LRFN5: variants seen among roughly 807,000 people sequenced by gnomAD.
LRFN5 encodes the protein leucine-rich repeat and fibronectin type-III domain-containing protein 5.
In LRFN5, 24 loss-of-function variants were observed where a neutral mutation model predicts 45.6. The observed-to-expected ratio is 0.53, with a 90% CI of 0.38 to 0.74. The LOEUF is 0.74. Ranked by LOEUF, LRFN5 falls within the 30% of genes least tolerant of loss-of-function variation. The probability of loss-of-function intolerance (pLI) is 0.00; values close to 1 mark genes in which losing one functional copy is unlikely to be tolerated. For missense variants in LRFN5, 776 were observed against 861.5 expected (o/e 0.90, Z 1.24); for synonymous variants, 340 against 313.8 (o/e 1.08, Z -0.88).
chr14:41,720,951 C>G (rs1883688802), intron 1 of LRFN5, among the ~76,000 whole-genome samples: 1 of 151,962 alleles, frequency 6.6e-6, no homozygotes, highest in African/African-American at 2.4e-5. Flanking sequence ...TTTTCAGCAT[C>G]AATGGTCTAT....
intron 1 of LRFN5, among the ~76,000 whole-genome samples, chr14:41,735,653 G>C (rs1439912782): frequency 6.6e-6 from 1 of 151,990 alleles, no homozygotes; most frequent in Non-Finnish European, 1.5e-5. Flanking sequence ...ATATGCAGAA[G>C]ATGCAGGTTT....
chr14:41,821,777 AT>A (rs112591355), intron 2 of LRFN5, among the ~76,000 whole-genome samples: 7,940 of 44,118 alleles, frequency 0.18, 765 homozygotes, highest in African/African-American at 0.41. Flanking sequence ...TGGGGGAGGG[AT>A]TTTTTTTTTT....
At chr14:41,710,675 T>C (rs1883245100) in intron 1 of LRFN5, among the ~76,000 whole-genome samples, 1 of 152,140 alleles carries the variant, frequency 6.6e-6, no homozygotes, top group South Asian at 2.1e-4. Flanking sequence ...AACATGCATG[T>C]TTGTTACATA....
intron 1 of LRFN5, among the ~76,000 whole-genome samples, chr14:41,643,026 G>A (rs1318937904): frequency 6.6e-6 from 1 of 152,156 alleles, no homozygotes; most frequent in Non-Finnish European, 1.5e-5. Context: ...CATAATCAGT[G>A]TGAGAGAGTC....
At chr14:41,843,726 G>A (rs1329231682) in intron 2 of LRFN5, among the ~76,000 whole-genome samples, 2 of 152,052 alleles carry the variant, frequency 1.3e-5, no homozygotes, top group African/African-American at 4.8e-5. Context: ...ATACATATAT[G>A]TCAACACAAA....
Position 41,856,675 on chromosome 14 carries a change from A to ATT in LRFN5, c.-20-29913_-20-29912dup, listed in dbSNP as rs1555326982. 5.5e-4 allele frequency among the ~76,000 whole-genome samples: 10 copies of ATT among 18,332 alleles called. 1 individual carries two copies. The highest frequency in any genetic ancestry group is 5.1e-4 in the Non-Finnish European group (4 of 7,822). 12.0% of individuals were successfully genotyped at this position (18,332 alleles called of 152,430 possible). A position where few individuals can be genotyped will look rare whatever the true frequency, so the allele number is the denominator to read the frequency against. On this transcript the variant is annotated intron_variant, in intron 2 of 5. Coordinates refer to ENST00000298119, the MANE Select transcript of LRFN5 (RefSeq NM_152447.5). ...TTCTTTCCTAATTATTATTATTATT[A>ATT]TTTTTTTTTTTTTTTTTTTGAGACG...
intron 2 of LRFN5, among the ~76,000 whole-genome samples, chr14:41,802,570 T>C (rs1346906298): frequency 6.6e-6 from 1 of 152,174 alleles, no homozygotes; most frequent in African/African-American, 2.4e-5. Flanking sequence ...AAAAATGTTT[T>C]GTCAAGGAAA....
intron 2 of LRFN5, among the ~76,000 whole-genome samples, chr14:41,771,418 AC>A (rs1159622669): frequency 6.6e-6 from 1 of 151,884 alleles, no homozygotes; most frequent in African/African-American, 2.4e-5. Flanking sequence ...AATTTTCCAA[AC>A]TTTTATCCTC....
At chr14:41,702,715 T>C (rs1043843744) in intron 1 of LRFN5, among the ~76,000 whole-genome samples, 1 of 151,768 alleles carries the variant, frequency 6.6e-6, no homozygotes, top group African/African-American at 2.4e-5. Flanking sequence ...TCCTCCTGCT[T>C]GGGCCTCTCA....
intron 1 of LRFN5, among the ~76,000 whole-genome samples, chr14:41,715,399 A>G (rs930629265): frequency 1.3e-4 from 20 of 152,212 alleles, no homozygotes; most frequent in African/African-American, 4.3e-4. Context: ...AGAACATTCT[A>G]TGGTTCCATA....
At chr14:41,612,635 G>T (rs1887794749) in intron 1 of LRFN5, among the ~76,000 whole-genome samples, 1 of 151,968 alleles carries the variant, frequency 6.6e-6, no homozygotes, top group Non-Finnish European at 1.5e-5. Context: ...TTCTTATTCT[G>T]GTTGCAGAGC....
intron 1 of LRFN5, among the ~76,000 whole-genome samples, chr14:41,738,036 A>G (rs531823102): frequency 6.6e-6 from 1 of 152,330 alleles, no homozygotes; most frequent in African/African-American, 2.4e-5. Context: ...CTGTATAGCC[A>G]AGACAATCTT....
intron 2 of LRFN5, among the ~76,000 whole-genome samples, chr14:41,878,066 G>A (rs138620994): frequency 2.4e-4 from 36 of 151,876 alleles, no homozygotes; most frequent in African/African-American, 6.3e-4. Flanking sequence ...GTATTTTAAC[G>A]GAGAATGCAG....
At chr14:41,793,707 A>C (rs1311981332) in intron 2 of LRFN5, among the ~76,000 whole-genome samples, 2 of 151,998 alleles carry the variant, frequency 1.3e-5, no homozygotes, top group Non-Finnish European at 2.9e-5. Flanking sequence ...TAAGAAAAAA[A>C]AAAATAGAAC....
At chr14:41,616,802 G>C (rs886120735) in intron 1 of LRFN5, among the ~76,000 whole-genome samples, 2 of 152,000 alleles carry the variant, frequency 1.3e-5, no homozygotes, top group Non-Finnish European at 2.9e-5. Context: ...ACCACATCTA[G>C]GTATAGTTAT....
chr14:41,621,354 ATTCT>A (rs958348236), intron 1 of LRFN5, among the ~76,000 whole-genome samples: 3 of 152,122 alleles, frequency 2.0e-5, no homozygotes, highest in African/African-American at 7.2e-5. Context: ...ATTATCAGTG[ATTCT>A]TAAGTGGAGA....
chr14:41,891,895 G>T lies in LRFN5; in HGVS notation c.2031G>T (p.Gln677His). Residue 677 changes from glutamine (Q) to histidine (H), a missense_variant, in exon 4 of 6, where the codon CAG becomes CAT. Around this residue, in one of 2 missense-constraint regions of LRFN5, gnomAD observed 465 missense variants for 456.4 expected, o/e 1.02. Coordinates refer to ENST00000298119, the MANE Select transcript of LRFN5 (RefSeq NM_152447.5). ...ACAGGAACAACTCAACTGCCTTGCA[G>T]TTAGCTAGCCGTCCTCCCGATTCTG... Reference protein sequence around the residue: ...NTNRNNSTALQLASRPPDSVT... With the variant: ...NTNRNNSTALHLASRPPDSVT... 2 of 1,614,164 alleles carry T rather than the reference G, an allele frequency of 1.2e-6. No individual in the cohort carries two copies. Among genetic ancestry groups the T allele is most frequent in the Non-Finnish European group, 1.7e-6 (2 of 1,180,032 alleles).
intron 1 of LRFN5, among the ~76,000 whole-genome samples, chr14:41,642,317 T>C (rs921558043): frequency 2.6e-5 from 4 of 152,186 alleles, no homozygotes; most frequent in South Asian, 2.1e-4. Flanking sequence ...GTTTGTGTTA[T>C]AACCTGAATT....
rs575668718 is a variant in LRFN5 at position 41,873,016 on chromosome 14, T to C, written c.-20-13590T>C. Among the ~76,000 whole-genome samples the C allele has an allele frequency of 2.0e-5, 3 of 152,342 alleles. No individual in the cohort carries two copies. In the East Asian group the frequency reaches 5.8e-4, roughly 29 times the overall value. Reference sequence around the variant, plus strand: ...AACATTTCAATGGCTTGATTTAAAATTCACTGAGTTGATGTAGCATTGTTC... The same window carrying C: ...AACATTTCAATGGCTTGATTTAAAACTCACTGAGTTGATGTAGCATTGTTC... On this transcript the variant is annotated intron_variant, in intron 2 of 5. Transcript: ENST00000298119.
Sources: gnomAD v4.1 joint callset for allele counts (sites outside exome capture counted in the v4.1 genomes callset) on GRCh38, gnomAD v4.1.1 for gene constraint, gnomAD v4.1.1 regional missense constraint, MANE v1.5 for transcripts, NCBI Gene and HGNC (gene_info 2026-07-23, HGNC 2026-07-21) for gene names.